Variants in SLC30A7 observed in about 807,000 individuals in gnomAD.
SLC30A7 encodes solute carrier family 30 member 7, also known as zinc transporter 7.
Under a neutral mutation model 46.0 loss-of-function variants are expected in SLC30A7, and 35 were observed. The observed-to-expected ratio is 0.76, with a 90% CI of 0.58 to 1.01. SLC30A7 has a LOEUF of 1.01. Ranked by LOEUF, SLC30A7 falls within the 50% of genes least tolerant of loss-of-function variation. The pLI, the probability that SLC30A7 is intolerant of heterozygous loss-of-function variation, is 0.00. For missense variants in SLC30A7, 464 were observed against 451.1 expected (o/e 1.03, Z -0.26); for synonymous variants, 147 against 157.8 (o/e 0.93, Z 0.51).
Position 100,977,436 on chromosome 1 carries a change from A to G in SLC30A7, c.*2579A>G, listed in dbSNP as rs1656599786. On this transcript the variant is annotated 3_prime_UTR_variant, in exon 11 of 11. Transcript: ENST00000357650. ...CAGCAGTAAAAAATTAGTGAGAAAA[A>G]GCAACTTTTTGTCACTCTTAGGAAA... 6.6e-6 allele frequency: 1 copy of G among 152,218 alleles called. No individual in the cohort carries two copies. Among genetic ancestry groups the G allele is most frequent in the African/African-American group, 2.4e-5 (1 of 41,456 alleles). 9.4% of individuals were successfully genotyped at this position (152,218 alleles called of 1,614,324 possible).
rs534279037 is a variant in SLC30A7, at chr1:100,962,080, C to T, written c.933+162C>T. The stretch of plus-strand genomic sequence containing the variant: ...TTTATACAAACCAGAATAAAATTGT[C>T]GGAAAATATTGAACTTTACTAAAGA... On this transcript the variant is annotated intron_variant, in intron 9 of 10. Transcript: ENST00000357650. Among the ~76,000 whole-genome samples the T allele has an allele frequency of 4.9e-4, 74 of 152,192 alleles. 1 individual carries two copies. The highest frequency in any genetic ancestry group is 1.9e-3 in the South Asian group (9 of 4,814).
the SLC30A7 span, chr1:100,990,448 G>C: frequency 6.2e-7 from 1 of 1,613,960 alleles, no homozygotes; most frequent in Non-Finnish European, 8.5e-7. Context: ...GCTATTTTCT[G>C]GTATGGAAAA....
chr1:100,901,569 C>G (rs1046690835), intron 2 of SLC30A7, among the ~76,000 whole-genome samples: 1 of 152,140 alleles, frequency 6.6e-6, no homozygotes, highest in African/African-American at 2.4e-5. Context: ...ATCCTCCTGC[C>G]TCAGCCTCCC....
chr1:100,966,193 C>G (rs1655853405), intron 10 of SLC30A7, among the ~76,000 whole-genome samples: 1 of 151,370 alleles, frequency 6.6e-6, no homozygotes, highest in Admixed American at 6.6e-5. Flanking sequence ...CAGTTGCACT[C>G]CAGCCTGGGC....
chr1:100,955,873 A>G (rs531772760), intron 8 of SLC30A7, among the ~76,000 whole-genome samples: 115 of 152,224 alleles, frequency 7.6e-4, no homozygotes, highest in African/African-American at 2.4e-3. Flanking sequence ...AAGTACCTTT[A>G]TTCTCTACCA....
chr1:100,985,117 C>T (rs1570623719), downstream of SLC30A7, among the ~76,000 whole-genome samples: 1 of 152,168 alleles, frequency 6.6e-6, no homozygotes, highest in Non-Finnish European at 1.5e-5. Context: ...AAATTATCAG[C>T]TCTAGGCAAC....
At chr1:100,917,855 A>C (rs1161287760) in intron 6 of SLC30A7, among the ~76,000 whole-genome samples, 2 of 152,180 alleles carry the variant, frequency 1.3e-5, no homozygotes, top group East Asian at 3.8e-4. Flanking sequence ...TTAATACAAT[A>C]ATTTCTGAAA....
chr1:100,899,619 G>A (rs954591305), intron 2 of SLC30A7, among the ~76,000 whole-genome samples: 2 of 152,088 alleles, frequency 1.3e-5, no homozygotes, highest in Admixed American at 6.5e-5. Context: ...GGAGGCAGAG[G>A]TTGCAGTGAG....
At chr1:100,944,677 A>G (rs1369545802) in intron 8 of SLC30A7, among the ~76,000 whole-genome samples, 1 of 116,348 alleles carries the variant, frequency 8.6e-6, no homozygotes, top group African/African-American at 3.3e-5. Context: ...CCCGGTGTAT[A>G]TGTGCCACAA....
At chr1:100,991,788 C>CAAAAAAAAAAAAAAA in the SLC30A7 span, among the ~76,000 whole-genome samples, 24 of 101,010 alleles carry the variant, frequency 2.4e-4, no homozygotes, top group African/African-American at 4.4e-4. Flanking sequence ...GACCCCATCT[C>CAAAAAAAAAAAAAAA]AAAAAAAAAA....
chr1:100,904,973 T>G (rs1651554913), intron 2 of SLC30A7, among the ~76,000 whole-genome samples: 1 of 152,186 alleles, frequency 6.6e-6, no homozygotes, highest in Non-Finnish European at 1.5e-5. Flanking sequence ...CCTTCTCCAT[T>G]CTCAGTGGTA....
chr1:100,960,473 C>A (rs1417045082), intron 8 of SLC30A7, among the ~76,000 whole-genome samples: 1 of 152,126 alleles, frequency 6.6e-6, no homozygotes, highest in Non-Finnish European at 1.5e-5. Context: ...AATAGTGAGC[C>A]AGATAAGCAT....
chr1:100,907,704 T>G (rs76022632), intron 3 of SLC30A7, among the ~76,000 whole-genome samples: 7,741 of 151,858 alleles, frequency 0.051, 632 homozygotes, highest in African/African-American at 0.18. Context: ...TCTGTCCTTT[T>G]CCTCCTCTTC....
chr1:100,953,688 C>G (rs1570576986), intron 8 of SLC30A7, among the ~76,000 whole-genome samples: 1 of 152,090 alleles, frequency 6.6e-6, no homozygotes, highest in African/African-American at 2.4e-5. Flanking sequence ...TGAATTTATT[C>G]CTGTCTGATC....
intron 8 of SLC30A7, chr1:100,941,579 T>C (rs529197085): frequency 1.2e-5 from 7 of 574,382 alleles, no homozygotes; most frequent in South Asian, 9.7e-5. Context: ...TTTTCCATAC[T>C]GTTTAAAATA....
intron 10 of SLC30A7, 22 bp downstream of exon 10, chr1:100,965,940 C>T (rs1227566517): frequency 6.3e-7 from 1 of 1,583,554 alleles, no homozygotes; most frequent in Non-Finnish European, 8.6e-7. Context: ...TTACTAACTT[C>T]TTTTAAGGGC....
At chr1:100,910,780 A>C (rs1160550726) in intron 3 of SLC30A7, among the ~76,000 whole-genome samples, 1 of 152,106 alleles carries the variant, frequency 6.6e-6, no homozygotes, top group African/African-American at 2.4e-5. Context: ...TGAGATTTAA[A>C]TTTCTGTGAA....
intron 1 of SLC30A7, 44 bp from the exon 2 acceptor site, chr1:100,896,526 C>T (rs1650944677): frequency 2.5e-6 from 4 of 1,574,882 alleles, no homozygotes; most frequent in Non-Finnish European, 3.5e-6. Flanking sequence ...GGTCCCGGCA[C>T]CTCCTTAACT....
chr1:100,988,648 C>T, the SLC30A7 span, among the ~76,000 whole-genome samples: 1 of 151,982 alleles, frequency 6.6e-6, no homozygotes, highest in Non-Finnish European at 1.5e-5. Context: ...GAGTTCAAGA[C>T]CAGCCTGGCC....
Sources: gnomAD v4.1 joint callset for allele counts (sites outside exome capture counted in the v4.1 genomes callset) on GRCh38, gnomAD v4.1.1 for gene constraint, MANE v1.5 for transcripts, NCBI Gene and HGNC (gene_info 2026-07-23, HGNC 2026-07-21) for gene names.